The following SYCP1 variants were observed in gnomAD, a reference collection of about 807,000 sequenced individuals.
SYCP1 encodes synaptonemal complex protein 1, also known as cancer/testis antigen 8.
A neutral mutation model predicts 153.1 loss-of-function variants in SYCP1; 64 were observed. The observed-to-expected ratio is 0.42, with a 90% CI of 0.34 to 0.51. The LOEUF is 0.51. Among genes scored for constraint, SYCP1 ranks in the 20% least tolerant of loss-of-function variants. SYCP1 has a pLI of 0.06. For synonymous variants in SYCP1, 384 were observed against 341.8 expected (o/e 1.12, Z -1.36); for missense variants, 997 against 1,049.0 (o/e 0.95, Z 0.68).
At position 114,901,955 on chromosome 1, in the gene SYCP1, A is replaced by G. The variant is rs117008635; in HGVS notation, c.1320+6446A>G. ...GGGAAGAACTTATTATTCTTATGCA[A>G]GTTGTTCCTCCACTAGGGAGAGAAG... On this transcript the variant is annotated intron_variant, in intron 16 of 31. Coordinates refer to ENST00000369522, the MANE Select transcript of SYCP1 (RefSeq NM_003176.4). 4.4e-4 allele frequency among the ~76,000 whole-genome samples: 67 copies of G among 152,324 alleles called. 1 individual carries two copies. The East Asian group carries it at 0.011, about 25-fold the overall frequency.
intron 27 of SYCP1, among the ~76,000 whole-genome samples, chr1:114,967,024 A>G (rs1478154301): frequency 6.6e-6 from 1 of 151,954 alleles, no homozygotes; most frequent in Non-Finnish European, 1.5e-5. Flanking sequence ...ATTTCCTTGC[A>G]CTGTGGTCTG....
chr1:114,874,011 C>A (rs754867675), intron 8 of SYCP1, among the ~76,000 whole-genome samples: 8 of 152,140 alleles, frequency 5.3e-5, no homozygotes, highest in Non-Finnish European at 5.9e-5. Flanking sequence ...GGATTACAGG[C>A]GTGAGCCACC....
At chr1:114,920,843 C>T (rs1023528053) in intron 20 of SYCP1, among the ~76,000 whole-genome samples, 2 of 151,918 alleles carry the variant, frequency 1.3e-5, no homozygotes, top group Non-Finnish European at 2.9e-5. Context: ...TTTTACCGTT[C>T]CTATATTTTC....
At chr1:114,947,678 T>G (rs1670801796) in intron 27 of SYCP1, among the ~76,000 whole-genome samples, 1 of 151,240 alleles carries the variant, frequency 6.6e-6, no homozygotes. Flanking sequence ...CCGGGTGCGG[T>G]GGCGGGCGCC....
At position 114,911,575 on chromosome 1, in the gene SYCP1, A is replaced by G; in HGVS notation, c.1522A>G (p.Asn508Asp). The G allele has an allele frequency of 6.7e-7, 1 of 1,487,950 alleles. No homozygotes were observed. The highest frequency in any genetic ancestry group is 2.1e-5 in the Admixed American group (1 of 47,514). The allele number at this position is 1,487,950 out of a possible 1,614,324, so 92.2% of individuals were successfully genotyped here. A position where few individuals can be genotyped will look rare whatever the true frequency, so the allele number is the denominator to read the frequency against. The change falls in exon 18 of 32, where the codon AAC (asparagine) becomes GAC (aspartate). Residue 508 changes from asparagine to aspartate, a missense_variant. Physicochemically the swap from Asn to Asp is conservative, Grantham distance 23. This residue lies in a region of SYCP1 where 712 missense variants were observed against 682.9 expected (regional missense o/e 1.04). Coordinates refer to ENST00000369522, the MANE Select transcript of SYCP1 (RefSeq NM_003176.4). ...TAAAGATCTAAAAACTGAGCTTGAA[A>G]ACGAGAAGTATGTTTTCCATTTATC... ...EVKDLKTELE[N>D]EKLKNTELTS...
intron 23 of SYCP1, among the ~76,000 whole-genome samples, chr1:114,938,466 A>G (rs1292270919): frequency 6.6e-6 from 1 of 152,096 alleles, no homozygotes; most frequent in East Asian, 1.9e-4. Flanking sequence ...GTTAACAGGT[A>G]CAGCACACCA....
intron 30 of SYCP1, among the ~76,000 whole-genome samples, chr1:114,985,113 G>A (rs907548344): frequency 6.6e-6 from 1 of 151,348 alleles, no homozygotes; most frequent in African/African-American, 2.4e-5. Context: ...TAGCACAATG[G>A]GCATACGATA....
At chr1:114,907,701 C>A (rs950710285) in intron 16 of SYCP1, among the ~76,000 whole-genome samples, 2 of 151,954 alleles carry the variant, frequency 1.3e-5, no homozygotes, top group Non-Finnish European at 2.9e-5. Flanking sequence ...CCTGCCTCAG[C>A]CTCCCGAGTA....
chr1:114,915,214 T>C (rs1469042910), intron 20 of SYCP1, among the ~76,000 whole-genome samples: 6 of 152,218 alleles, frequency 3.9e-5, no homozygotes, highest in Non-Finnish European at 2.9e-5. Context: ...TGGCTGGCTC[T>C]TTAACAATTT....
chr1:114,859,700 C>T, intron 6 of SYCP1, 43 bp from the exon 7 acceptor site: 1 of 961,650 alleles, frequency 1.0e-6, no homozygotes, highest in Middle Eastern at 2.4e-4. Flanking sequence ...TTTATTTTTG[C>T]TAATAAGCAA....
intron 27 of SYCP1, among the ~76,000 whole-genome samples, chr1:114,949,196 T>C (rs1220205914): frequency 1.3e-5 from 2 of 152,204 alleles, no homozygotes; most frequent in Non-Finnish European, 2.9e-5. Flanking sequence ...CATCATGCTC[T>C]GACATACATT....
chr1:114,984,853 A>T lies in SYCP1; in HGVS notation c.2688A>T (p.Glu896Asp). 1 of 1,435,432 alleles carries T rather than the reference A, an allele frequency of 7.0e-7. No individual in the cohort carries two copies. Among genetic ancestry groups the T allele is most frequent in the Non-Finnish European group, 9.3e-7 (1 of 1,074,010 alleles). The allele number at this position is 1,435,432 out of a possible 1,614,324, so 88.9% of individuals were successfully genotyped here. A position where few individuals can be genotyped will look rare whatever the true frequency, so the allele number is the denominator to read the frequency against. Residue 896 changes from glutamate (E) to aspartate (D), a missense_variant, in exon 30 of 32, where the codon GAA becomes GAT. By Grantham distance (45) the Glu-to-Asp change is conservative. This residue lies in a region of SYCP1 where 712 missense variants were observed against 682.9 expected (regional missense o/e 1.04). Transcript: ENST00000369522. The part of the protein sequence containing the change: ...FEFDINSDSS[E>D]TTDLLSMVSE... ...TTGATATTAATTCAGATAGTTCAGAAACTACTGATCTTTTGGTAAAAATTT... is the reference window on the plus strand; with the variant it reads ...TTGATATTAATTCAGATAGTTCAGATACTACTGATCTTTTGGTAAAAATTT...
intron 18 of SYCP1, among the ~76,000 whole-genome samples, chr1:114,912,271 G>A (rs1473010680): frequency 6.6e-6 from 1 of 151,886 alleles, no homozygotes; most frequent in Non-Finnish European, 1.5e-5. Flanking sequence ...GGACTGGTTA[G>A]TTATTTGTAC....
intron 6 of SYCP1, among the ~76,000 whole-genome samples, chr1:114,859,032 C>T (rs1664200195): frequency 6.6e-6 from 1 of 152,038 alleles, no homozygotes; most frequent in Non-Finnish European, 1.5e-5. Flanking sequence ...AATATATTCT[C>T]TTAGATTACA....
intron 15 of SYCP1, among the ~76,000 whole-genome samples, chr1:114,892,227 C>T (rs1048015347): frequency 6.6e-6 from 1 of 152,110 alleles, no homozygotes; most frequent in Admixed American, 6.5e-5. Flanking sequence ...TAGGTGCTGG[C>T]TCTGGTGGGC....
At chr1:114,972,763 T>C (rs1036094903) in intron 27 of SYCP1, among the ~76,000 whole-genome samples, 1 of 152,186 alleles carries the variant, frequency 6.6e-6, no homozygotes, top group Non-Finnish European at 1.5e-5. Context: ...TCAGAGAAGA[T>C]ACTTGATGTG....
At chr1:114,970,116 T>C (rs1672385915) in intron 27 of SYCP1, among the ~76,000 whole-genome samples, 1 of 152,120 alleles carries the variant, frequency 6.6e-6, no homozygotes, top group Non-Finnish European at 1.5e-5. Flanking sequence ...CCTGTCCCCA[T>C]ATTTTCTTTG....
At chr1:114,940,577 CAT>C (rs757471338) in intron 23 of SYCP1, among the ~76,000 whole-genome samples, 11 of 152,070 alleles carry the variant, frequency 7.2e-5, no homozygotes, top group Non-Finnish European at 1.6e-4. Context: ...TTTAAGGGGA[CAT>C]GTTGTGTTTT....
rs560265246 is a variant in SYCP1, at chr1:114,970,422, A to G, written c.2323-7135A>G. 6.0e-5 allele frequency among the ~76,000 whole-genome samples: 9 copies of G among 149,886 alleles called. No individual in the cohort carries two copies. The South Asian group carries it at 1.9e-3, about 32-fold the overall frequency. ...GAATTCTTTTTCTGGCAATTCAGAG[A>G]TTTCTCCTTGGTTTTGATCCATTGC... On this transcript the variant is annotated intron_variant, in intron 27 of 31. Coordinates refer to ENST00000369522, the MANE Select transcript of SYCP1 (RefSeq NM_003176.4).
Sources: allele counts gnomAD v4.1 joint callset (sites outside exome capture counted in the v4.1 genomes callset), GRCh38; gene constraint gnomAD v4.1.1; regional missense constraint gnomAD v4.1.1; transcripts MANE v1.5; gene names NCBI Gene and HGNC (gene_info 2026-07-23, HGNC 2026-07-21).